NAA11: variants seen among roughly 807,000 people sequenced by gnomAD.
NAA11 encodes the protein N-alpha-acetyltransferase 11, NatA catalytic subunit, also known as N-alpha-acetyltransferase 11.
A neutral mutation model predicts 16.1 loss-of-function variants in NAA11; 15 were observed. That is an observed-to-expected ratio of 0.93 (90% CI 0.62 to 1.44). The LOEUF is 1.44. Ranked by LOEUF, NAA11 falls within the 40% of genes most tolerant of loss-of-function variation. The pLI, the probability that NAA11 is intolerant of heterozygous loss-of-function variation, is 0.00. For synonymous variants in NAA11, 122 were observed against 112.4 expected (o/e 1.09, Z -0.54); for missense variants, 298 against 291.3 (o/e 1.02, Z -0.17).
intron 2 of NAA11, among the ~76,000 whole-genome samples, chr4:79,228,293 C>A (rs1172149125): frequency 6.6e-6 from 1 of 151,978 alleles, no homozygotes; most frequent in Admixed American, 6.6e-5. Context: ...AGCTACCATA[C>A]AACTCTGACC....
In NAA11 at chr4:79,325,942, A is replaced by G; in HGVS notation, c.-65T>C. 7.0e-7 allele frequency: 1 copy of G among 1,438,240 alleles called. No individual in the cohort carries two copies. Among genetic ancestry groups the G allele is most frequent in the Non-Finnish European group, 9.5e-7 (1 of 1,056,292 alleles). 89.1% of individuals were successfully genotyped at this position (1,438,240 alleles called of 1,614,324 possible). A position where few individuals can be genotyped will look rare whatever the true frequency, so the allele number is the denominator to read the frequency against. ...CCAGAAGAGGCTGTCGCCGACCTTA[A>G]GGGGCACTGTTTGCCTCAGGAATCG... On this transcript the variant is annotated 5_prime_UTR_variant, in exon 1 of 2. Transcript: ENST00000286794.
chr4:79,207,395 T>C, the NAA11 span, among the ~76,000 whole-genome samples: 1 of 137,444 alleles, frequency 7.3e-6, no homozygotes, highest in Non-Finnish European at 1.6e-5. Context: ...AAAAGGAGAG[T>C]TCTAATCCCT....
chr4:79,267,826 C>T (rs557474395), intron 2 of NAA11, among the ~76,000 whole-genome samples: 2 of 152,166 alleles, frequency 1.3e-5, no homozygotes, highest in East Asian at 1.9e-4. Context: ...TGGGAGCTGA[C>T]GTTTGCATTG....
chr4:79,231,212 G>A (rs1015621230), intron 2 of NAA11, among the ~76,000 whole-genome samples: 1 of 151,932 alleles, frequency 6.6e-6, no homozygotes, highest in Admixed American at 6.6e-5. Context: ...TATTCTAGAA[G>A]AAAGAAACCT....
the NAA11 span, among the ~76,000 whole-genome samples, chr4:79,192,807 A>T: frequency 4.0e-5 from 6 of 149,718 alleles, no homozygotes; most frequent in Non-Finnish European, 6.0e-5. Context: ...CGCCACACTG[A>T]CTTCCACAAT....
intron 1 of NAA11, among the ~76,000 whole-genome samples, chr4:79,310,723 G>T (rs1163609669): frequency 1.3e-5 from 2 of 152,116 alleles, no homozygotes; most frequent in Admixed American, 6.5e-5. Context: ...AGGTTTATTT[G>T]AATTACATCT....
At chr4:79,320,848 C>T (rs1157613621) in intron 1 of NAA11, among the ~76,000 whole-genome samples, 1 of 152,166 alleles carries the variant, frequency 6.6e-6, no homozygotes, top group African/African-American at 2.4e-5. Context: ...GGAGGGAGCA[C>T]CACAATTGTA....
chr4:79,203,432 C>T, the NAA11 span, among the ~76,000 whole-genome samples: 6 of 151,518 alleles, frequency 4.0e-5, no homozygotes, highest in African/African-American at 1.2e-4. Flanking sequence ...ACAGAAGTAC[C>T]CACACTACAT....
At chr4:79,235,602 A>C (rs1269073088) in intron 2 of NAA11, among the ~76,000 whole-genome samples, 1 of 152,134 alleles carries the variant, frequency 6.6e-6, no homozygotes. Context: ...ATGTAGTGTG[A>C]CTAGTTCCCG....
At chr4:79,271,621 C>A (rs772457416) in intron 2 of NAA11, among the ~76,000 whole-genome samples, 1 of 151,912 alleles carries the variant, frequency 6.6e-6, no homozygotes, top group Non-Finnish European at 1.5e-5. Context: ...TACTTTAGCA[C>A]CCTAACGTTA....
the NAA11 span, among the ~76,000 whole-genome samples, chr4:79,207,481 T>G: frequency 2.0e-5 from 3 of 151,150 alleles, no homozygotes; most frequent in African/African-American, 7.3e-5. Flanking sequence ...AGAGGCCCCA[T>G]GCAAGCACAC....
At chr4:79,314,787 TA>T (rs1723879773), downstream of NAA11, among the ~76,000 whole-genome samples, 1 of 152,104 alleles carries the variant, frequency 6.6e-6, no homozygotes, top group Non-Finnish European at 1.5e-5. Flanking sequence ...GTGAAACTTT[TA>T]AAAACCTCAT....
chr4:79,305,005 G>A (rs1283676827), intron 1 of NAA11: 1 of 152,146 alleles, frequency 6.6e-6, no homozygotes, highest in South Asian at 2.1e-4. Context: ...CATGTCCCAC[G>A]TGATGCACTA....
rs1553891050 is a variant in NAA11 at position 79,242,274 on chromosome 4, C to CTA, written c.*123-16006_*123-16005dup. Among the ~76,000 whole-genome samples, 17 of 152,084 alleles carry CTA rather than the reference C, an allele frequency of 1.1e-4. No individual in the cohort carries two copies. In the East Asian group the frequency reaches 3.1e-3, roughly 28 times the overall value. On this transcript the variant is annotated intron_variant and NMD_transcript_variant, in intron 2 of 2. Coordinates refer to the NAA11 transcript ENST00000511542. ...GGGATATCCTTCTTGTTAGTTTCAGCTAGTTCCAGCTCTAGTTCCCTGCCT... is the reference window on the plus strand; with the variant it reads ...GGGATATCCTTCTTGTTAGTTTCAGCTATAGTTCCAGCTCTAGTTCCCTGCCT...
chr4:79,162,857 G>C, the NAA11 span, among the ~76,000 whole-genome samples: 1 of 152,188 alleles, frequency 6.6e-6, no homozygotes, highest in Admixed American at 6.5e-5. Context: ...CAACATGGTA[G>C]TGTCCATTAT....
At chr4:79,218,619 C>A in the NAA11 span, among the ~76,000 whole-genome samples, 2 of 151,924 alleles carry the variant, frequency 1.3e-5, no homozygotes, top group African/African-American at 4.8e-5. Flanking sequence ...CACCATAGTT[C>A]AATTTTTTGG....
intron 2 of NAA11, among the ~76,000 whole-genome samples, chr4:79,254,709 A>C (rs1722068698): frequency 8.1e-6 from 1 of 123,920 alleles, no homozygotes; most frequent in Non-Finnish European, 1.8e-5. Context: ...TTTTATTATT[A>C]TTATACTTTA....
intron 2 of NAA11, among the ~76,000 whole-genome samples, chr4:79,230,817 C>G (rs1357462016): frequency 6.6e-6 from 1 of 151,890 alleles, no homozygotes; most frequent in Non-Finnish European, 1.5e-5. Flanking sequence ...AACTTTGAGA[C>G]TCATTTGGAA....
At chr4:79,255,274 C>T (rs2109970322) in intron 2 of NAA11, among the ~76,000 whole-genome samples, 1 of 152,126 alleles carries the variant, frequency 6.6e-6, no homozygotes, top group East Asian at 1.9e-4. Context: ...ATGAATTGCT[C>T]TAAATATTTT....
Sources: gnomAD v4.1 joint callset for allele counts (sites outside exome capture counted in the v4.1 genomes callset) on GRCh38, gnomAD v4.1.1 for gene constraint, MANE v1.5 for transcripts, NCBI Gene and HGNC (gene_info 2026-07-23, HGNC 2026-07-21) for gene names.